The following ASTN2 variants were observed in gnomAD, a reference collection of about 807,000 sequenced individuals.
ASTN2 encodes astrotactin 2.
ASTN2 carries 54 observed loss-of-function variants against 139.8 expected under a neutral mutation model. The ratio of observed to expected loss-of-function variants is 0.39; its 90% CI spans 0.31 to 0.48. ASTN2 has a LOEUF of 0.48. Among genes scored for constraint, ASTN2 ranks in the 20% least tolerant of loss-of-function variants. ASTN2 has a pLI of 0.95. For missense variants in ASTN2, 1,565 were observed against 1,725.1 expected (o/e 0.91, Z 1.64); for synonymous variants, 756 against 719.5 (o/e 1.05, Z -0.81).
chr9:116,610,861 G>T (rs181823208), intron 19 of ASTN2: 1 of 151,126 alleles, frequency 6.6e-6, no homozygotes, highest in African/African-American at 2.4e-5. Flanking sequence ...ATAATCAGAG[G>T]TTTTAATACC....
At chr9:116,431,233 C>T (rs1432564529) in intron 22 of ASTN2, among the ~76,000 whole-genome samples, 1 of 152,144 alleles carries the variant, frequency 6.6e-6, no homozygotes, top group Non-Finnish European at 1.5e-5. Context: ...TAAGGGGACC[C>T]TGAAATGGAG....
chr9:117,042,447 C>G (rs1333576548), intron 5 of ASTN2, among the ~76,000 whole-genome samples: 1 of 152,076 alleles, frequency 6.6e-6, no homozygotes, highest in African/African-American at 2.4e-5. Flanking sequence ...AGGAACTATA[C>G]ATGAGATTGT....
At chr9:116,590,819 G>A (rs546879484) in intron 19 of ASTN2, among the ~76,000 whole-genome samples, 25 of 152,282 alleles carry the variant, frequency 1.6e-4, no homozygotes, top group South Asian at 6.2e-4. Flanking sequence ...CCAGGAAGGA[G>A]CTTTGGTCTC....
chr9:117,285,489 C>G (rs1242776795), intron 2 of ASTN2, among the ~76,000 whole-genome samples: 11 of 152,076 alleles, frequency 7.2e-5, no homozygotes, highest in Admixed American at 7.2e-4. Flanking sequence ...CAATATCACA[C>G]CGATCCTCTA....
At chr9:116,761,462 G>A (rs1486936738) in intron 13 of ASTN2, among the ~76,000 whole-genome samples, 1 of 152,186 alleles carries the variant, frequency 6.6e-6, no homozygotes, top group Non-Finnish European at 1.5e-5. Flanking sequence ...ACGGAAAGAG[G>A]TGTTCAAAGA....
chr9:116,536,990 G>C (rs184706813), intron 19 of ASTN2, among the ~76,000 whole-genome samples: 8 of 152,228 alleles, frequency 5.3e-5, no homozygotes, highest in Non-Finnish European at 1.2e-4. Context: ...TCCTTGAGCT[G>C]TGGTGGGCTC....
At chr9:116,931,989 C>T (rs7039831) in intron 10 of ASTN2, among the ~76,000 whole-genome samples, 140,390 of 151,950 alleles carry the variant, frequency 0.92, 65,164 homozygotes, top group Non-Finnish European at 0.97. Flanking sequence ...TCAGAAATAA[C>T]GCTGGTTTGG....
Position 116,562,941 on chromosome 9 carries a change from C to T in ASTN2, c.3355+55383G>A, listed in dbSNP as rs149839854. The stretch of plus-strand genomic sequence containing the variant: ...GAAAGTATGCTTGGTCTTAAAGACA[C>T]AGAGGTGACCAAGAGAGGCATAAGC... On this transcript the variant is annotated intron_variant, in intron 19 of 22. Coordinates refer to ENST00000313400, the MANE Select transcript of ASTN2 (RefSeq NM_001365068.1). 5.5e-3 allele frequency among the ~76,000 whole-genome samples: 833 copies of T among 152,160 alleles called. 9 individuals are homozygous for T. Among genetic ancestry groups the T allele is most frequent in the African/African-American group, 0.019 (778 of 41,496 alleles).
chr9:116,956,169 C>T (rs1835702758), intron 10 of ASTN2, among the ~76,000 whole-genome samples: 2 of 140,584 alleles, frequency 1.4e-5, no homozygotes, highest in South Asian at 2.2e-4. Context: ...GATGTTGGCT[C>T]ACCGCAACCT....
chr9:117,083,531 G>C (rs892033011), intron 5 of ASTN2, among the ~76,000 whole-genome samples: 3 of 152,202 alleles, frequency 2.0e-5, no homozygotes, highest in East Asian at 1.9e-4. Flanking sequence ...CCAGTGGCAT[G>C]GTCTGTTTAT....
At chr9:116,484,854 G>C (rs1376679084) in intron 20 of ASTN2, among the ~76,000 whole-genome samples, 1 of 152,192 alleles carries the variant, frequency 6.6e-6, no homozygotes, top group Non-Finnish European at 1.5e-5. Flanking sequence ...CACTTTTAAA[G>C]AATGTCAGCT....
intron 10 of ASTN2, among the ~76,000 whole-genome samples, chr9:116,914,694 C>T (rs181950321): frequency 5.5e-4 from 84 of 151,924 alleles, no homozygotes; most frequent in African/African-American, 1.8e-3. Context: ...TTATGCCACC[C>T]AACCCTGGGT....
chr9:117,280,500 A>C (rs1217498022), intron 2 of ASTN2, among the ~76,000 whole-genome samples: 1 of 152,206 alleles, frequency 6.6e-6, no homozygotes, highest in Non-Finnish European at 1.5e-5. Context: ...GGCGCATGGA[A>C]GAAAAGACAC....
At chr9:116,449,486 G>A (rs1371778654) in intron 20 of ASTN2, among the ~76,000 whole-genome samples, 1 of 152,180 alleles carries the variant, frequency 6.6e-6, no homozygotes, top group Admixed American at 6.5e-5. Context: ...TAAAGTTTAT[G>A]AAACGATGCT....
intron 1 of ASTN2, among the ~76,000 whole-genome samples, chr9:117,371,578 C>T (rs1290007713): frequency 1.3e-5 from 2 of 152,118 alleles, no homozygotes; most frequent in Non-Finnish European, 2.9e-5. Flanking sequence ...GTTGTGTGAC[C>T]TTCAGCAAGG....
At chr9:116,681,314 C>G (rs944068830) in intron 16 of ASTN2, among the ~76,000 whole-genome samples, 1 of 152,140 alleles carries the variant, frequency 6.6e-6, no homozygotes, top group Non-Finnish European at 1.5e-5. Context: ...ATCCAACTTA[C>G]AAGGGACGTG....
intron 10 of ASTN2, among the ~76,000 whole-genome samples, chr9:116,878,353 C>T (rs917999709): frequency 6.6e-6 from 1 of 152,166 alleles, no homozygotes; most frequent in African/African-American, 2.4e-5. Context: ...TACATATACA[C>T]CATGGAATAC....
At chr9:117,016,640 ATATATATATATATATAACC>A (rs1564385982) in intron 6 of ASTN2, among the ~76,000 whole-genome samples, 10 of 21,746 alleles carry the variant, frequency 4.6e-4, no homozygotes, top group African/African-American at 1.1e-3. Context: ...ATATATATAT[ATATATATATATATATAACC>A]TATATATATG....
chr9:116,839,307 T>A (rs1462753859), intron 11 of ASTN2, among the ~76,000 whole-genome samples: 1 of 152,130 alleles, frequency 6.6e-6, no homozygotes, highest in Non-Finnish European at 1.5e-5. Context: ...GCCATCATGC[T>A]CGGCTAATTT....
Sources: allele counts gnomAD v4.1 joint callset (sites outside exome capture counted in the v4.1 genomes callset), GRCh38; gene constraint gnomAD v4.1.1; transcripts MANE v1.5; gene names NCBI Gene and HGNC (gene_info 2026-07-23, HGNC 2026-07-21).